Variants in FBXL2 observed in about 807,000 individuals in gnomAD.
FBXL2 encodes F-box/LRR-repeat protein 2.
A neutral mutation model predicts 69.2 loss-of-function variants in FBXL2; 38 were observed. The ratio of observed to expected loss-of-function variants is 0.55; its 90% confidence interval spans 0.42 to 0.72. The LOEUF (loss-of-function observed/expected upper bound fraction) is 0.72, where lower values mean the gene tolerates loss of function less well. Among genes scored for constraint, FBXL2 ranks in the 30% least tolerant of loss-of-function variants. The pLI is 0.00. For missense variants in FBXL2, 354 were observed against 520.3 expected, an observed-to-expected ratio of 0.68 and a Z score of 3.11; for synonymous variants, 192 against 201.3, an observed-to-expected ratio of 0.95 and a Z score of 0.39.
At chr3:33,384,262 CAAG>C (rs1215233747) in intron 14 of FBXL2, 61 bp downstream of exon 14, 1 of 1,535,312 alleles carries the variant, frequency 6.5e-7, no homozygotes, top group African/African-American at 1.4e-5. Context: ...AGGAAAACAT[CAAG>C]AATCAGACCG....
chr3:33,421,049 G>A, the FBXL2 span, among the ~76,000 whole-genome samples: 1 of 152,238 alleles, frequency 6.6e-6, no homozygotes, highest in African/African-American at 2.4e-5. Context: ...AAGGGGGTAA[G>A]ATCAGAAGTC....
chr3:33,283,896 T>G (rs946423475), intron 1 of FBXL2, among the ~76,000 whole-genome samples: 2 of 152,078 alleles, frequency 1.3e-5, no homozygotes, highest in African/African-American at 4.8e-5. Context: ...GTGGTGATAT[T>G]CCGTTTATGA....
At chr3:33,356,245 C>T (rs750149808) in intron 2 of FBXL2, among the ~76,000 whole-genome samples, 1 of 152,128 alleles carries the variant, frequency 6.6e-6, no homozygotes, top group Non-Finnish European at 1.5e-5. Context: ...AATAAGGAAA[C>T]TGAGGCAAAA....
chr3:33,299,387 A>G (rs990020190), intron 2 of FBXL2, among the ~76,000 whole-genome samples: 1 of 152,200 alleles, frequency 6.6e-6, no homozygotes, highest in African/African-American at 2.4e-5. Context: ...AAATGCTGAC[A>G]TACAATAAGA....
At chr3:33,302,330 G>T (rs6807330) in intron 2 of FBXL2, among the ~76,000 whole-genome samples, 60,857 of 151,862 alleles carry the variant, frequency 0.4, 13,566 homozygotes, top group East Asian at 0.6. Context: ...ATGTGTGGTG[G>T]TGTGACACCT....
chr3:33,390,385 G>A (rs374522223), downstream of FBXL2: 3 of 1,614,016 alleles, frequency 1.9e-6, no homozygotes, highest in Non-Finnish European at 1.7e-6. Flanking sequence ...AAAAAGGAAA[G>A]ACAGTATTTC....
chr3:33,298,970 G>T (rs1406090357), intron 2 of FBXL2, among the ~76,000 whole-genome samples: 1 of 151,762 alleles, frequency 6.6e-6, no homozygotes, highest in Non-Finnish European at 1.5e-5. Context: ...GATGATACAA[G>T]TTGGGTAATT....
At chr3:33,348,025 G>T (rs2040569353) in intron 2 of FBXL2, among the ~76,000 whole-genome samples, 1 of 151,946 alleles carries the variant, frequency 6.6e-6, no homozygotes, top group South Asian at 2.1e-4. Flanking sequence ...TTTTTAACTT[G>T]ATGTGATCCC....
chr3:33,396,511 C>T, intron 12 of FBXL2: 1 of 504,862 alleles, frequency 2.0e-6, no homozygotes, highest in South Asian at 2.7e-5. Context: ...GATGGTCTGT[C>T]AGATGCTGGT....
chr3:33,399,486 G>T (rs1247330053), intron 12 of FBXL2, among the ~76,000 whole-genome samples: 2 of 152,104 alleles, frequency 1.3e-5, no homozygotes, highest in African/African-American at 2.4e-5. Flanking sequence ...CAGTAAAAAG[G>T]ATTAAACTAC....
chr3:33,287,619 A>T (rs909526798), intron 1 of FBXL2, among the ~76,000 whole-genome samples: 9 of 152,102 alleles, frequency 5.9e-5, no homozygotes, highest in African/African-American at 2.2e-4. Flanking sequence ...GGGATTACAG[A>T]TGTGAGGCAC....
intron 1 of FBXL2, among the ~76,000 whole-genome samples, chr3:33,291,630 T>G (rs983260009): frequency 6.6e-6 from 1 of 152,092 alleles, no homozygotes; most frequent in Non-Finnish European, 1.5e-5. Context: ...GAAGTTAGAC[T>G]GTGATAAGTT....
chr3:33,371,232 A>C (rs1331837218), intron 5 of FBXL2, among the ~76,000 whole-genome samples: 6 of 147,838 alleles, frequency 4.1e-5, no homozygotes, highest in African/African-American at 1.5e-4. Flanking sequence ...TGGTGTGATC[A>C]AGGGTCACTG....
chr3:33,318,020 G>GTT (rs559582544), intron 2 of FBXL2, among the ~76,000 whole-genome samples: 15 of 151,676 alleles, frequency 9.9e-5, no homozygotes, highest in Admixed American at 9.8e-4. Context: ...AGGTTTCTGG[G>GTT]TTTTTTTTGT....
At chr3:33,396,859 GCAT>G in intron 12 of FBXL2, 1 of 692,282 alleles carries the variant, frequency 1.4e-6, no homozygotes, top group Non-Finnish European at 2.6e-6. Flanking sequence ...ATCAGTGCCT[GCAT>G]CATATCTGGG....
intron 2 of FBXL2, among the ~76,000 whole-genome samples, chr3:33,318,442 G>T (rs1171149041): frequency 6.6e-6 from 1 of 152,086 alleles, no homozygotes; most frequent in Non-Finnish European, 1.5e-5. Context: ...ATAGGAAGGA[G>T]AAACCATTAT....
chr3:33,355,970 A>C (rs1432451757), intron 2 of FBXL2, among the ~76,000 whole-genome samples: 1 of 152,174 alleles, frequency 6.6e-6, no homozygotes, highest in Non-Finnish European at 1.5e-5. Context: ...AACTACTTTC[A>C]GTTTAAAAGG....
rs1248194072 is a variant in FBXL2 at position 33,345,364 on chromosome 3, C to T, written c.66-13603C>T. ...TCTGTTGATTAGGTCACAAATACAT[C>T]TTTTTTTGGTGGTAGTGGGGCACAC... On this transcript the variant is annotated intron_variant, in intron 2 of 14. Coordinates refer to ENST00000484457, the MANE Select transcript of FBXL2 (RefSeq NM_012157.5). Among the ~76,000 whole-genome samples the T allele has an allele frequency of 2.0e-5, 3 of 152,082 alleles. No homozygotes were observed. In the East Asian group the frequency reaches 5.8e-4, roughly 29 times the overall value.
At chr3:33,287,545 A>G (rs978174515) in intron 1 of FBXL2, among the ~76,000 whole-genome samples, 2 of 152,154 alleles carry the variant, frequency 1.3e-5, no homozygotes, top group African/African-American at 4.8e-5. Context: ...ACAGTGGCTC[A>G]GCTCACTGCA....
Sources: allele counts gnomAD v4.1 joint callset (sites outside exome capture counted in the v4.1 genomes callset), GRCh38; gene constraint gnomAD v4.1.1; transcripts MANE v1.5; gene names NCBI Gene and HGNC (gene_info 2026-07-23, HGNC 2026-07-21).